KLHL32: variants seen among roughly 807,000 people sequenced by gnomAD.
KLHL32 encodes the protein kelch-like protein 32.
Under a neutral mutation model 64.8 loss-of-function variants are expected in KLHL32, and 35 were observed. That is an observed-to-expected ratio of 0.54 (90% CI 0.41 to 0.72). The LOEUF (loss-of-function observed/expected upper bound fraction) is 0.72. KLHL32 is among the 30% of genes least tolerant of loss of function. KLHL32 has a pLI of 0.00. For synonymous variants in KLHL32, 259 were observed against 281.0 expected (o/e 0.92, Z 0.78); for missense variants, 589 against 768.5 (o/e 0.77, Z 2.76).
At chr6:97,025,650 G>GGACTGCC (rs1455064230) in intron 3 of KLHL32, among the ~76,000 whole-genome samples, 1 of 152,172 alleles carries the variant, frequency 6.6e-6, no homozygotes, top group Admixed American at 6.5e-5. Flanking sequence ...CAGTTTCCCA[G>GGACTGCC]TTTATCTGGC....
chr6:96,990,829 T>C (rs945859025), intron 3 of KLHL32, among the ~76,000 whole-genome samples: 1 of 152,158 alleles, frequency 6.6e-6, no homozygotes, highest in Non-Finnish European at 1.5e-5. Context: ...TGGCCTCTTC[T>C]CTTTAAGATG....
At chr6:96,918,455 T>C in the KLHL32 span, among the ~76,000 whole-genome samples, 1 of 152,136 alleles carries the variant, frequency 6.6e-6, no homozygotes, top group East Asian at 1.9e-4. Context: ...AGGTTAACAA[T>C]TTTTTTTCTT....
chr6:96,941,561 G>T (rs1018157942), intron 1 of KLHL32, among the ~76,000 whole-genome samples: 1 of 152,114 alleles, frequency 6.6e-6, no homozygotes, highest in Non-Finnish European at 1.5e-5. Flanking sequence ...AGCAGAAGAG[G>T]TTTGATATGA....
chr6:97,133,027 T>A (rs1179878930), intron 10 of KLHL32, among the ~76,000 whole-genome samples: 1 of 152,190 alleles, frequency 6.6e-6, no homozygotes, highest in Non-Finnish European at 1.5e-5. Context: ...CCCTTTCTCA[T>A]AAACCAAAAA....
At chr6:96,914,358 C>A in the KLHL32 span, among the ~76,000 whole-genome samples, 1 of 152,014 alleles carries the variant, frequency 6.6e-6, no homozygotes, top group Admixed American at 6.6e-5. Flanking sequence ...TAAGTCCTTG[C>A]TTAACTTTGA....
intron 10 of KLHL32, among the ~76,000 whole-genome samples, chr6:97,136,218 A>T (rs894987159): frequency 1.3e-5 from 2 of 152,208 alleles, no homozygotes; most frequent in African/African-American, 4.8e-5. Context: ...CAAAAGTACC[A>T]GCCAATAACT....
intron 5 of KLHL32, among the ~76,000 whole-genome samples, chr6:97,071,149 T>C (rs1424789690): frequency 6.6e-6 from 1 of 152,136 alleles, no homozygotes; most frequent in African/African-American, 2.4e-5. Context: ...ACTACCCAAC[T>C]GTACCCAGTG....
At chr6:97,028,726 T>A (rs889380460) in intron 3 of KLHL32, among the ~76,000 whole-genome samples, 1 of 152,210 alleles carries the variant, frequency 6.6e-6, no homozygotes, top group African/African-American at 2.4e-5. Context: ...GGCTGCCATA[T>A]GCGAGAGATC....
chr6:96,929,062 C>A (rs1438187930), intron 1 of KLHL32, among the ~76,000 whole-genome samples: 2 of 152,090 alleles, frequency 1.3e-5, no homozygotes, highest in Non-Finnish European at 2.9e-5. Context: ...AGAAATGTGA[C>A]AAGCAAGTGG....
chr6:96,942,654 G>GGTGTGTGTGTGTGTGT lies in KLHL32; in HGVS notation c.-66+17650_-66+17665dup, dbSNP rs373680196. Among the ~76,000 whole-genome samples, 18 of 144,320 alleles carry GGTGTGTGTGTGTGTGT rather than the reference G, an allele frequency of 1.2e-4. 1 individual carries two copies. The highest frequency in any genetic ancestry group is 3.9e-4 in the African/African-American group (15 of 38,392). The allele number at this position is 144,320 out of a possible 152,430, so 94.7% of individuals were successfully genotyped here. A position where few individuals can be genotyped will look rare whatever the true frequency, so the allele number is the denominator to read the frequency against. ...TAACAGTGACTTGCTACAGCTGTGG[G>GGTGTGTGTGTGTGTGT]GTGTGTGTGTGTGTGTGTGTGTGTG... On this transcript the variant is annotated intron_variant, in intron 1 of 10. Coordinates refer to ENST00000369261, the MANE Select transcript of KLHL32 (RefSeq NM_052904.4).
intron 1 of KLHL32, among the ~76,000 whole-genome samples, chr6:96,925,654 G>C (rs1769050384): frequency 6.6e-6 from 1 of 152,112 alleles, no homozygotes; most frequent in African/African-American, 2.4e-5. Context: ...TGATTTAATT[G>C]TGTTTCCCCA....
At chr6:96,993,454 C>A (rs1056973928) in intron 3 of KLHL32, among the ~76,000 whole-genome samples, 1 of 152,202 alleles carries the variant, frequency 6.6e-6, no homozygotes, top group African/African-American at 2.4e-5. Context: ...AGCCTCAAGG[C>A]ACAAGTGCTT....
chr6:97,065,521 A>G (rs142796254), intron 5 of KLHL32, among the ~76,000 whole-genome samples: 66 of 152,304 alleles, frequency 4.3e-4, no homozygotes, highest in African/African-American at 1.6e-3. Flanking sequence ...CTTGGACTTT[A>G]TAGAGTGTTA....
intron 3 of KLHL32, among the ~76,000 whole-genome samples, chr6:97,021,634 A>G (rs908203741): frequency 6.6e-6 from 1 of 151,056 alleles, no homozygotes; most frequent in South Asian, 2.1e-4. Context: ...TGTTTTACCA[A>G]ATATCTAAAC....
At chr6:97,061,631 G>A (rs1788917594) in intron 4 of KLHL32, among the ~76,000 whole-genome samples, 1 of 152,270 alleles carries the variant, frequency 6.6e-6, no homozygotes, top group South Asian at 2.1e-4. Flanking sequence ...ACTACATGTT[G>A]ATGGGTATGT....
intron 1 of KLHL32, among the ~76,000 whole-genome samples, chr6:96,963,213 C>T (rs1774071484): frequency 6.6e-6 from 1 of 152,104 alleles, no homozygotes; most frequent in South Asian, 2.1e-4. Context: ...AGAACTTGGC[C>T]TTATATACGA....
At chr6:96,898,096 C>G in the KLHL32 span, among the ~76,000 whole-genome samples, 5 of 152,214 alleles carry the variant, frequency 3.3e-5, no homozygotes, top group Admixed American at 1.3e-4. Flanking sequence ...GCTGGAACTC[C>G]GAGGGAGTCA....
chr6:97,113,740 C>CTTACCT (rs1248112819), intron 6 of KLHL32, 43 bp from the exon 7 acceptor site: 9 of 1,587,216 alleles, frequency 5.7e-6, no homozygotes, highest in Non-Finnish European at 7.7e-6. Context: ...CTCTTTCTTT[C>CTTACCT]TTACCTTTGT....
chr6:97,083,596 A>T (rs1792926668), intron 5 of KLHL32, among the ~76,000 whole-genome samples: 1 of 152,162 alleles, frequency 6.6e-6, no homozygotes, highest in African/African-American at 2.4e-5. Flanking sequence ...TCTTTTTTCA[A>T]CATATAAAAG....
Sources: gnomAD v4.1 joint callset for allele counts (sites outside exome capture counted in the v4.1 genomes callset) on GRCh38, gnomAD v4.1.1 for gene constraint, MANE v1.5 for transcripts, NCBI Gene and HGNC (gene_info 2026-07-23, HGNC 2026-07-21) for gene names.